NOL10: variants seen among roughly 807,000 people sequenced by gnomAD.
The protein encoded by NOL10 is nucleolar protein 10, also known as H_NH0074G24.1.
In NOL10, 58 loss-of-function variants were observed where a neutral mutation model predicts 103.5. The observed-to-expected ratio is 0.56, with a 90% confidence interval of 0.45 to 0.70. NOL10 has a LOEUF of 0.70. Among genes scored for constraint, NOL10 ranks in the 30% least tolerant of loss-of-function variants. The pLI is 0.00. For missense variants in NOL10, 763 were observed against 807.3 expected (o/e 0.95, Z 0.67); for synonymous variants, 287 against 282.5 (o/e 1.02, Z -0.16).
chr2:10,606,000 A>G (rs6755548), intron 14 of NOL10, among the ~76,000 whole-genome samples: 89,897 of 151,940 alleles, frequency 0.59, 27,609 homozygotes, highest in African/African-American at 0.74. Flanking sequence ...GCCTTGTATA[A>G]AATGGATCCT....
At chr2:10,599,431 A>G (rs1420537994) in intron 17 of NOL10, among the ~76,000 whole-genome samples, 1 of 152,338 alleles carries the variant, frequency 6.6e-6, no homozygotes, top group East Asian at 1.9e-4. Flanking sequence ...CTCTGAGGAG[A>G]GAGTCAACAC....
intron 9 of NOL10, among the ~76,000 whole-genome samples, chr2:10,660,622 T>C (rs1229315656): frequency 2.6e-5 from 4 of 152,178 alleles, no homozygotes; most frequent in Non-Finnish European, 5.9e-5. Context: ...CTGGCCCATA[T>C]ATGTTCTTAT....
chr2:10,626,012 A>G (rs528276625), intron 13 of NOL10, among the ~76,000 whole-genome samples: 1 of 95,182 alleles, frequency 1.1e-5, no homozygotes, highest in South Asian at 2.7e-4. Flanking sequence ...TGTCTCTATG[A>G]AAAAAAAAAT....
intron 14 of NOL10, among the ~76,000 whole-genome samples, chr2:10,605,945 CTGT>C (rs1207542232): frequency 1.3e-5 from 2 of 152,196 alleles, no homozygotes; most frequent in African/African-American, 4.8e-5. Context: ...TAATACTCAA[CTGT>C]TGTTGCACAT....
rs190287630 is a variant in NOL10 at position 10,608,330 on chromosome 2, G to A, written c.1027-1019C>T. On this transcript the variant is annotated intron_variant, in intron 13 of 20. Coordinates refer to ENST00000381685, the MANE Select transcript of NOL10 (RefSeq NM_024894.4). ...TAATAAAATATGAATCATTAAGTTTGTAATCCAACTATGAAAAAATATAAT... is the reference window on the plus strand; with the variant it reads ...TAATAAAATATGAATCATTAAGTTTATAATCCAACTATGAAAAAATATAAT... Among the ~76,000 whole-genome samples, 481 of 152,292 alleles carry A rather than the reference G, an allele frequency of 3.2e-3. 4 individuals are homozygous for A. The highest frequency in any genetic ancestry group is 0.011 in the African/African-American group (458 of 41,562).
At chr2:10,603,260 A>G in intron 14 of NOL10, 103 bp from the exon 15 acceptor site, 1 of 803,878 alleles carries the variant, frequency 1.2e-6, no homozygotes, top group South Asian at 1.8e-5. Context: ...ATTTCACTTC[A>G]GACTAAAAAT....
rs1464563426 is a variant in NOL10 at position 10,642,707 on chromosome 2, C to G, written c.1026+1613G>C. ...AAAAAACCCTTCTCCCACTGGGCAC[C>G]TCACTCCACCCCACCCCTTCACCCA... On this transcript the variant is annotated intron_variant, in intron 13 of 20. Transcript: ENST00000381685. 1.3e-5 allele frequency among the ~76,000 whole-genome samples: 2 copies of G among 152,264 alleles called. 1 individual carries two copies. The highest frequency in any genetic ancestry group is 4.1e-4 in the South Asian group (2 of 4,822).
In NOL10 at chr2:10,686,225, A is replaced by G. The variant is rs560547734; in HGVS notation, c.67-1613T>C. On this transcript the variant is annotated intron_variant, in intron 1 of 20. Transcript: ENST00000381685. ...AAAGGAGACGAAGTGTTGGTGGAGA[A>G]TTATAATTTTGAATAAGGTTAAGGT... Among the ~76,000 whole-genome samples the G allele has an allele frequency of 6.6e-5, 10 of 152,296 alleles. No individual in the cohort carries two copies. In the South Asian group the frequency reaches 2.1e-3, roughly 32 times the overall value.
At chr2:10,617,180 G>A (rs1032703954) in intron 13 of NOL10, among the ~76,000 whole-genome samples, 1 of 152,172 alleles carries the variant, frequency 6.6e-6, no homozygotes, top group African/African-American at 2.4e-5. Flanking sequence ...AGGGACCCAA[G>A]GGGCAGGAGG....
intron 13 of NOL10, among the ~76,000 whole-genome samples, chr2:10,631,515 T>C (rs1432079960): frequency 6.6e-6 from 1 of 152,234 alleles, no homozygotes; most frequent in Non-Finnish European, 1.5e-5. Flanking sequence ...TTAATTAACC[T>C]ATCTTCTTAA....
chr2:10,646,871 T>C (rs1352727310), intron 12 of NOL10, among the ~76,000 whole-genome samples: 2 of 152,184 alleles, frequency 1.3e-5, no homozygotes, highest in Non-Finnish European at 2.9e-5. Context: ...AAAAAGTCAG[T>C]ATGAATACCA....
intron 17 of NOL10, among the ~76,000 whole-genome samples, chr2:10,591,949 G>T (rs1675413141): frequency 6.6e-6 from 1 of 152,160 alleles, no homozygotes; most frequent in African/African-American, 2.4e-5. Context: ...GCTGCAGTGA[G>T]TTGAGATCAC....
chr2:10,646,585 T>C (rs539645424), intron 12 of NOL10, among the ~76,000 whole-genome samples: 13 of 152,204 alleles, frequency 8.5e-5, no homozygotes, highest in Non-Finnish European at 1.8e-4. Context: ...GAGCAGCTTC[T>C]AACAGGCAGA....
At chr2:10,627,886 TAAAA>T (rs1194927762) in intron 13 of NOL10, among the ~76,000 whole-genome samples, 1 of 151,752 alleles carries the variant, frequency 6.6e-6, no homozygotes, top group East Asian at 1.9e-4. Flanking sequence ...CCCCTGAATC[TAAAA>T]AAAGTTAAAA....
intron 12 of NOL10, 95 bp downstream of exon 12, chr2:10,654,385 TA>T: frequency 1.1e-6 from 1 of 901,578 alleles, no homozygotes; most frequent in Non-Finnish European, 1.7e-6. Flanking sequence ...GTTTAAAACC[TA>T]AAAAAGTATA....
At chr2:10,596,509 C>T (rs1043075271) in intron 17 of NOL10, among the ~76,000 whole-genome samples, 3 of 152,134 alleles carry the variant, frequency 2.0e-5, no homozygotes, top group Non-Finnish European at 4.4e-5. Flanking sequence ...AGATCCCTCG[C>T]ATGCGCAGTT....
intron 13 of NOL10, chr2:10,621,892 C>T: frequency 2.9e-6 from 1 of 339,482 alleles, no homozygotes; most frequent in Non-Finnish European, 5.9e-6. Context: ...AATGATCTCA[C>T]TTGACTCTGG....
chr2:10,576,481 A>T (rs1259651219), intron 20 of NOL10, among the ~76,000 whole-genome samples: 2 of 152,268 alleles, frequency 1.3e-5, no homozygotes, highest in African/African-American at 4.8e-5. Context: ...AAACGAATGA[A>T]TAGCAAAATG....
chr2:10,639,801 A>G (rs967698628), intron 13 of NOL10, among the ~76,000 whole-genome samples: 1 of 152,210 alleles, frequency 6.6e-6, no homozygotes, highest in African/African-American at 2.4e-5. Flanking sequence ...GGAGAAAACA[A>G]ACAAACAAAA....
Sources: allele counts gnomAD v4.1 joint callset (sites outside exome capture counted in the v4.1 genomes callset), GRCh38; gene constraint gnomAD v4.1.1; transcripts MANE v1.5; gene names NCBI Gene and HGNC (gene_info 2026-07-23, HGNC 2026-07-21).